GPHN: variants seen among roughly 807,000 people sequenced by gnomAD.
GPHN encodes gephyrin.
In GPHN, 17 loss-of-function variants were observed where a neutral mutation model predicts 95.5. The ratio of observed to expected loss-of-function variants is 0.18; its 90% CI spans 0.12 to 0.27. The LOEUF is 0.27. Among genes scored for constraint, GPHN ranks in the 10% least tolerant of loss-of-function variants. The probability of loss-of-function intolerance (pLI) is 1.00; values close to 1 mark genes in which losing one functional copy is unlikely to be tolerated. For missense variants in GPHN, 660 were observed against 978.1 expected, an observed-to-expected ratio of 0.67 and a Z score of 4.34; for synonymous variants, 320 against 322.5, an observed-to-expected ratio of 0.99 and a Z score of 0.08.
chr14:67,577,476 C>A, the GPHN span: 1 of 1,090,748 alleles, frequency 9.2e-7, no homozygotes, highest in Non-Finnish European at 1.4e-6. Context: ...GTGGAGAAGG[C>A]CTGTGCAGTT....
rs537609247 is a variant in GPHN, at chr14:66,611,016, C to T, written c.65-70091C>T. On this transcript the variant is annotated intron_variant, in intron 1 of 22. Coordinates refer to ENST00000478722, the MANE Select transcript of GPHN (RefSeq NM_020806.5). ...AGTTTTTTGCTAAAACTGAATTTTA[C>T]AAGAAAGTGCACAGATGGGCCTAGG... 5.9e-5 allele frequency among the ~76,000 whole-genome samples: 9 copies of T among 152,136 alleles called. No homozygotes were observed. The South Asian group carries it at 1.7e-3, about 28-fold the overall frequency.
intron 9 of GPHN, among the ~76,000 whole-genome samples, chr14:66,986,360 A>G (rs1327973612): frequency 6.6e-6 from 1 of 152,120 alleles, no homozygotes; most frequent in African/African-American, 2.4e-5. Flanking sequence ...ACAACAATCA[A>G]CAGAACCAGA....
intron 4 of GPHN, among the ~76,000 whole-genome samples, chr14:66,866,237 A>C (rs1313328753): frequency 1.3e-5 from 2 of 152,168 alleles, no homozygotes; most frequent in African/African-American, 2.4e-5. Flanking sequence ...CTACATATCA[A>C]CTTCTGAAGA....
At chr14:67,678,276 T>C in the GPHN span, 1 of 1,180,856 alleles carries the variant, frequency 8.5e-7, no homozygotes, top group South Asian at 1.2e-5. Flanking sequence ...AGAAGTACTG[T>C]GTAGTCTGCT....
Position 67,054,060 on chromosome 14 carries a change from G to A in GPHN, c.1007-4589G>A, listed in dbSNP as rs563728954. The stretch of plus-strand genomic sequence containing the variant: ...CCCTTGAAAATCAGCACAAGACAAG[G>A]ATGCCTTCTCTCACCACTCCTATTC... On this transcript the variant is annotated intron_variant, in intron 10 of 22. Transcript: ENST00000478722. 8.9e-4 allele frequency among the ~76,000 whole-genome samples: 136 copies of A among 152,232 alleles called. 1 individual carries two copies. The highest frequency in any genetic ancestry group is 9.6e-4 in the Non-Finnish European group (65 of 68,018).
chr14:67,040,984 A>G (rs991505346), intron 10 of GPHN, among the ~76,000 whole-genome samples: 2 of 152,128 alleles, frequency 1.3e-5, no homozygotes, highest in East Asian at 1.9e-4. Context: ...GTTTTTCTTG[A>G]GGCTTTTACC....
chr14:66,643,956 G>T (rs1226354981), intron 1 of GPHN, among the ~76,000 whole-genome samples: 1 of 151,882 alleles, frequency 6.6e-6, no homozygotes, highest in African/African-American at 2.4e-5. Flanking sequence ...AGGTAGATAG[G>T]AGAAGTATAT....
chr14:66,629,136 T>C lies in GPHN; in HGVS notation c.65-51971T>C, dbSNP rs1442529200. Among the ~76,000 whole-genome samples, 4 of 133,854 alleles carry C rather than the reference T, an allele frequency of 3.0e-5. No homozygotes were observed. The South Asian group carries it at 6.5e-4, about 22-fold the overall frequency. The allele number at this position is 133,854 out of a possible 152,430, so 87.8% of individuals were successfully genotyped here. A position where few individuals can be genotyped will look rare whatever the true frequency, so the allele number is the denominator to read the frequency against. On this transcript the variant is annotated intron_variant, in intron 1 of 22. Transcript: ENST00000478722. The stretch of plus-strand genomic sequence containing the variant: ...ACATATATAAATATGTATATAAATA[T>C]ATATTTATATACATATATAAATATG...
the GPHN span, among the ~76,000 whole-genome samples, chr14:67,536,039 T>C: frequency 3.3e-5 from 5 of 152,236 alleles, no homozygotes; most frequent in African/African-American, 1.2e-4. Context: ...CCCAGGCCTG[T>C]CAGTGCCAGA....
At chr14:66,729,562 TC>T (rs1473080235) in intron 2 of GPHN, among the ~76,000 whole-genome samples, 6 of 152,198 alleles carry the variant, frequency 3.9e-5, no homozygotes, top group South Asian at 2.1e-4. Flanking sequence ...TTGAGATCTT[TC>T]TTGGATGATG....
the GPHN span, among the ~76,000 whole-genome samples, chr14:67,688,796 T>C: frequency 2.6e-5 from 4 of 152,164 alleles, no homozygotes; most frequent in Non-Finnish European, 4.4e-5. Context: ...TTACATTTAA[T>C]AGTTTGTATA....
the GPHN span, chr14:67,588,629 G>A: frequency 1.3e-5 from 2 of 152,176 alleles, no homozygotes; most frequent in Non-Finnish European, 2.9e-5. Context: ...AAAACAAAAC[G>A]AAAGAGTTCA....
rs570681300 is a variant in GPHN, at chr14:66,905,177, A to T, written c.390-10826A>T. On this transcript the variant is annotated intron_variant, in intron 5 of 22. Coordinates refer to ENST00000478722, the MANE Select transcript of GPHN (RefSeq NM_020806.5). ...AAATAGCCTATCTTTGAGCTCACTGACTCTTTCCTCTGCTTGATCCATTCT... is the reference window on the plus strand; with the variant it reads ...AAATAGCCTATCTTTGAGCTCACTGTCTCTTTCCTCTGCTTGATCCATTCT... Among the ~76,000 whole-genome samples the T allele has an allele frequency of 3.3e-5, 5 of 151,690 alleles. 2 individuals carry two copies. Among genetic ancestry groups the T allele is most frequent in the African/African-American group, 1.2e-4 (5 of 41,364 alleles).
chr14:67,410,961 C>T, the GPHN span, among the ~76,000 whole-genome samples: 10 of 151,952 alleles, frequency 6.6e-5, no homozygotes, highest in African/African-American at 2.4e-4. Context: ...GCCTGGGAAA[C>T]ATGGCGAAAC....
the GPHN span, among the ~76,000 whole-genome samples, chr14:67,638,203 C>T: frequency 6.6e-6 from 1 of 152,016 alleles, no homozygotes; most frequent in Non-Finnish European, 1.5e-5. Context: ...ACTCTAATAA[C>T]CTTACTTAAA....
chr14:66,649,964 CAG>C (rs1429529294), intron 1 of GPHN, among the ~76,000 whole-genome samples: 1 of 151,952 alleles, frequency 6.6e-6, no homozygotes, highest in Non-Finnish European at 1.5e-5. Context: ...TTTTCTTAGT[CAG>C]AGTTTTGGTA....
At chr14:66,900,656 C>T (rs1000560428) in intron 5 of GPHN, among the ~76,000 whole-genome samples, 1 of 151,872 alleles carries the variant, frequency 6.6e-6, no homozygotes, top group African/African-American at 2.4e-5. Flanking sequence ...TCCTTCTGTG[C>T]TTGCCTTGTT....
At chr14:66,917,158 C>A (rs1222487113) in intron 6 of GPHN, among the ~76,000 whole-genome samples, 2 of 152,150 alleles carry the variant, frequency 1.3e-5, no homozygotes, top group East Asian at 3.8e-4. Context: ...TCAGGCCAGT[C>A]ATTTTCTATT....
chr14:67,235,591 T>C, the GPHN span, among the ~76,000 whole-genome samples: 2 of 152,124 alleles, frequency 1.3e-5, no homozygotes, highest in African/African-American at 4.8e-5. Context: ...GGCAGGCACC[T>C]GTAGTCCCAG....
Sources: allele counts gnomAD v4.1 joint callset (sites outside exome capture counted in the v4.1 genomes callset), GRCh38; gene constraint gnomAD v4.1.1; transcripts MANE v1.5; gene names NCBI Gene and HGNC (gene_info 2026-07-23, HGNC 2026-07-21).